ADAM28: variants seen among roughly 807,000 people sequenced by gnomAD.
The protein encoded by ADAM28 is disintegrin and metalloproteinase domain-containing protein 28.
A neutral mutation model predicts 101.2 loss-of-function variants in ADAM28; 105 were observed. The ratio of observed to expected loss-of-function variants is 1.04; its 90% CI spans 0.89 to 1.22. ADAM28 has a LOEUF of 1.22. Among genes scored for constraint, ADAM28 ranks in the 50% most tolerant of loss-of-function variants. The probability of loss-of-function intolerance (pLI) is 0.00; values close to 1 mark genes in which losing one functional copy is unlikely to be tolerated. For missense variants in ADAM28, 1,028 were observed against 945.4 expected (o/e 1.09, Z -1.15); for synonymous variants, 322 against 310.6 (o/e 1.04, Z -0.39).
chr8:24,329,894 AG>A, intron 10 of ADAM28, 90 bp from the exon 11 acceptor site: 1 of 1,215,976 alleles, frequency 8.2e-7, no homozygotes, highest in Non-Finnish European at 1.1e-6. Context: ...TGTGAGAGAG[AG>A]AGAGAGAGAG....
chr8:24,306,355 A>ATATATATATATATAGATATATATAT (rs1489348958), intron 2 of ADAM28, among the ~76,000 whole-genome samples: 1 of 107,822 alleles, frequency 9.3e-6, no homozygotes, highest in African/African-American at 3.9e-5. Flanking sequence ...AATACAAATA[A>ATATATATATATATAGATATATATAT]ATAAATAAAT....
intron 18 of ADAM28, among the ~76,000 whole-genome samples, chr8:24,349,159 T>G (rs1471668839): frequency 6.6e-6 from 1 of 152,224 alleles, no homozygotes; most frequent in African/African-American, 2.4e-5. Flanking sequence ...CTGATTTCTG[T>G]AATAAGAGAA....
Position 24,332,544 on chromosome 8 carries a change from C to A in ADAM28, c.1282-116C>A, listed in dbSNP as rs192790521. On this transcript the variant is annotated intron_variant, in intron 12 of 22. Coordinates refer to ENST00000265769, the MANE Select transcript of ADAM28 (RefSeq NM_014265.6). ...TTTTTTTTATATTTTTTGAAAAAGT[C>A]CTATTTAGACTCCACGAAAGTAACA... 8.4e-5 allele frequency: 39 copies of A among 466,388 alleles called. No individual in the cohort carries two copies. In the East Asian group the frequency reaches 1.3e-3, roughly 15 times the overall value. The allele number at this position is 466,388 out of a possible 1,614,324, so 28.9% of individuals were successfully genotyped here. A position where few individuals can be genotyped will look rare whatever the true frequency, so the allele number is the denominator to read the frequency against.
At chr8:24,305,844 GAAAT>G (rs1809534215) in intron 2 of ADAM28, among the ~76,000 whole-genome samples, 1 of 128,798 alleles carries the variant, frequency 7.8e-6, no homozygotes, top group African/African-American at 2.5e-5. Flanking sequence ...CAGCATCTCA[GAAAT>G]AAATATAACT....
intron 6 of ADAM28, among the ~76,000 whole-genome samples, chr8:24,316,828 C>T (rs1297965750): frequency 6.6e-6 from 1 of 151,940 alleles, no homozygotes; most frequent in African/African-American, 2.4e-5. Flanking sequence ...CTAATGACTC[C>T]ACTGAAAAAC....
At chr8:24,295,580 G>T (rs867169375) in intron 1 of ADAM28, among the ~76,000 whole-genome samples, 14 of 152,084 alleles carry the variant, frequency 9.2e-5, no homozygotes, top group African/African-American at 3.1e-4. Flanking sequence ...AGAGCGTAAA[G>T]ATCAAGCTGG....
At chr8:24,316,425 A>ATGT (rs1336975854) in intron 6 of ADAM28, among the ~76,000 whole-genome samples, 3 of 152,040 alleles carry the variant, frequency 2.0e-5, no homozygotes, top group Non-Finnish European at 2.9e-5. Context: ...AACCACACAA[A>ATGT]TGTTGATAGT....
intron 6 of ADAM28, among the ~76,000 whole-genome samples, chr8:24,315,577 C>T (rs1041699139): frequency 6.6e-6 from 1 of 151,766 alleles, no homozygotes; most frequent in South Asian, 2.1e-4. Flanking sequence ...AAGTATCAAA[C>T]ATTCAAAGAA....
intron 9 of ADAM28, among the ~76,000 whole-genome samples, chr8:24,324,521 C>T (rs937098869): frequency 6.6e-6 from 1 of 151,838 alleles, no homozygotes; most frequent in African/African-American, 2.4e-5. Flanking sequence ...TAGTTGAAAT[C>T]AGATAGAAGG....
rs5890146 is a variant in ADAM28, at chr8:24,325,871, C to CAAAAAAAA, written c.891-661_891-654dup. Among the ~76,000 whole-genome samples the CAAAAAAAA allele has an allele frequency of 4.3e-3, 87 of 20,426 alleles. 3 individuals carry two copies. The highest frequency in any genetic ancestry group is 9.4e-3 in the South Asian group (3 of 318). 13.4% of individuals were successfully genotyped at this position (20,426 alleles called of 152,430 possible). A position where few individuals can be genotyped will look rare whatever the true frequency, so the allele number is the denominator to read the frequency against. On this transcript the variant is annotated intron_variant, in intron 9 of 22. Coordinates refer to ENST00000265769, the MANE Select transcript of ADAM28 (RefSeq NM_014265.6). ...AAGGGCCAGGATCTTGTACAGATAG[C>CAAAAAAAA]AAAAAAAAAAAAAAAAAAAAAAAAA...
intron 9 of ADAM28, among the ~76,000 whole-genome samples, chr8:24,325,887 A>AACAAACAAACAAAC (rs1554514066): frequency 1.5e-5 from 2 of 135,916 alleles, no homozygotes; most frequent in Non-Finnish European, 3.2e-5. Flanking sequence ...AAAAAAAAAA[A>AACAAACAAACAAAC]AAAAAAAAAA....
At chr8:24,348,671 C>T (rs1391548608) in intron 18 of ADAM28, among the ~76,000 whole-genome samples, 1 of 152,062 alleles carries the variant, frequency 6.6e-6, no homozygotes, top group Non-Finnish European at 1.5e-5. Context: ...TCTCAATTTC[C>T]TAGTCCACCA....
chr8:24,312,037 ACT>A (rs1249206658), intron 5 of ADAM28, among the ~76,000 whole-genome samples: 2 of 150,510 alleles, frequency 1.3e-5, no homozygotes, highest in Non-Finnish European at 3.0e-5. Flanking sequence ...CCACCCCCAG[ACT>A]CTCTCCCCAC....
At chr8:24,301,184 C>G (rs1808709556) in intron 2 of ADAM28, among the ~76,000 whole-genome samples, 1 of 152,162 alleles carries the variant, frequency 6.6e-6, no homozygotes, top group Non-Finnish European at 1.5e-5. Context: ...AGCATTTCTT[C>G]TAAAGCAAAT....
At position 24,358,939 on chromosome 8, in the gene ADAM28, CTATT is replaced by C. The variant is rs1816845769; in HGVS notation, c.*4537_*4540del. 1 of 152,080 alleles carries C rather than the reference CTATT, an allele frequency of 6.6e-6. No homozygotes were observed. The highest frequency in any genetic ancestry group is 2.4e-5 in the African/African-American group (1 of 41,412). 9.4% of individuals were successfully genotyped at this position (152,080 alleles called of 1,614,324 possible). A position where few individuals can be genotyped will look rare whatever the true frequency, so the allele number is the denominator to read the frequency against. ...GCTCCCACCTCACACAAAGTTAAAA[CTATT>C]TGTTACTTTAAATAGTTTGACAATG... On this transcript the variant is annotated 3_prime_UTR_variant, in exon 23 of 23. Coordinates refer to ENST00000265769, the MANE Select transcript of ADAM28 (RefSeq NM_014265.6).
At chr8:24,353,574 G>A (rs1364739015) in intron 21 of ADAM28, among the ~76,000 whole-genome samples, 196 bp from the exon 22 acceptor site, 9 of 152,112 alleles carry the variant, frequency 5.9e-5, no homozygotes, top group Admixed American at 5.9e-4. Flanking sequence ...GAAAGTCAAC[G>A]GGCTTGGAGT....
At chr8:24,347,358 G>GA (rs1410728727) in intron 18 of ADAM28, among the ~76,000 whole-genome samples, 2 of 151,612 alleles carry the variant, frequency 1.3e-5, no homozygotes, top group African/African-American at 4.8e-5. Flanking sequence ...TTTTCATATT[G>GA]AAAAAATTGC....
At chr8:24,325,896 A>AAAAAAAAAAAAAAAAAAAT (rs1812543540) in intron 9 of ADAM28, among the ~76,000 whole-genome samples, 1 of 146,388 alleles carries the variant, frequency 6.8e-6, no homozygotes, top group Non-Finnish European at 1.5e-5. Context: ...AAAAAAAAAA[A>AAAAAAAAAAAAAAAAAAAT]AAAACCAAAA....
chr8:24,331,733 G>C (rs1813390471), intron 12 of ADAM28, among the ~76,000 whole-genome samples: 1 of 152,072 alleles, frequency 6.6e-6, no homozygotes, highest in African/African-American at 2.4e-5. Flanking sequence ...GAGGAGCCAA[G>C]AACTGGATTC....
Sources: gnomAD v4.1 joint callset for allele counts (sites outside exome capture counted in the v4.1 genomes callset) on GRCh38, gnomAD v4.1.1 for gene constraint, MANE v1.5 for transcripts, NCBI Gene and HGNC (gene_info 2026-07-23, HGNC 2026-07-21) for gene names.